The following HADHB variants were observed in gnomAD, a reference collection of about 807,000 sequenced individuals.
The protein encoded by HADHB is trifunctional enzyme subunit beta, mitochondrial.
Under a neutral mutation model 61.9 loss-of-function variants are expected in HADHB, and 50 were observed. The ratio of observed to expected loss-of-function variants is 0.81; its 90% CI spans 0.64 to 1.02. The LOEUF (loss-of-function observed/expected upper bound fraction) is 1.02. Among genes scored for constraint, HADHB ranks in the 50% least tolerant of loss-of-function variants. The pLI, the probability that HADHB is intolerant of heterozygous loss-of-function variation, is 0.00. For synonymous variants in HADHB, 191 were observed against 201.6 expected (o/e 0.95, Z 0.45); for missense variants, 504 against 586.5 (o/e 0.86, Z 1.45).
intron 3 of HADHB, among the ~76,000 whole-genome samples, chr2:26,258,094 T>C (rs1250943160): frequency 6.6e-6 from 1 of 152,146 alleles, no homozygotes; most frequent in Non-Finnish European, 1.5e-5. Context: ...CCGTGGGTTA[T>C]GGAAAACAAC....
At chr2:26,249,717 G>A (rs543286956) in intron 1 of HADHB, among the ~76,000 whole-genome samples, 1 of 151,956 alleles carries the variant, frequency 6.6e-6, no homozygotes, top group South Asian at 2.1e-4. Context: ...CCAGGCCTCA[G>A]AAGGAAAGAT....
intron 1 of HADHB, among the ~76,000 whole-genome samples, chr2:26,251,463 C>T (rs1410336302): frequency 6.6e-6 from 1 of 152,230 alleles, no homozygotes; most frequent in African/African-American, 2.4e-5. Flanking sequence ...GCTGGGATTA[C>T]AGGTGTGAGC....
At chr2:26,251,898 A>G (rs1377097450) in intron 1 of HADHB, among the ~76,000 whole-genome samples, 1 of 152,242 alleles carries the variant, frequency 6.6e-6, no homozygotes, top group Non-Finnish European at 1.5e-5. Context: ...AAAACAATAC[A>G]TGTTTACCAT....
chr2:26,257,049 A>G (rs1671641345), intron 3 of HADHB, among the ~76,000 whole-genome samples: 1 of 151,044 alleles, frequency 6.6e-6, no homozygotes, highest in Non-Finnish European at 1.5e-5. Context: ...GTTGAAAGTA[A>G]TGGGTTCATG....
At position 26,285,535 on chromosome 2, in the gene HADHB, G is replaced by A. The variant is rs1342600482; in HGVS notation, c.1353G>A (p.Gln451=). ...AANRLRKEGG[Q]YGLVAACAAG... is the part of the protein sequence containing the mutation. ...ACAGATTACGGAAAGAAGGAGGCCA[G>A]TATGGCTTAGTGGCTGCGTGTGCAG... The change falls in exon 15 of 16, where the codon CAG becomes CAA. Residue 451 remains glutamine, a synonymous_variant. Coordinates refer to ENST00000317799, the MANE Select transcript of HADHB (RefSeq NM_000183.3). 3 of 1,613,988 alleles carry A rather than the reference G, an allele frequency of 1.9e-6. No individual in the cohort carries two copies. The African/African-American group carries it at 4.0e-5, about 22-fold the overall frequency.
chr2:26,285,497 A>G lies in HADHB; in HGVS notation c.1315A>G (p.Met439Val), dbSNP rs1392529342. The G allele has an allele frequency of 6.2e-6, 10 of 1,613,778 alleles. No homozygotes were observed. Among genetic ancestry groups the G allele is most frequent in the Middle Eastern group, 1.7e-4 (1 of 6,060 alleles). ...TGGAGCCACTGGCTGCAGGTTGGTCATGGCTGCTGCCAACAGATTACGGAA... is the reference window on the plus strand; with the variant it reads ...TGGAGCCACTGGCTGCAGGTTGGTCGTGGCTGCTGCCAACAGATTACGGAA... ...PFGATGCRLVMAAANRLRKEG... is the reference protein window; with the variant it reads ...PFGATGCRLVVAAANRLRKEG... The change falls in exon 15 of 16, where the codon ATG (methionine) becomes GTG (valine). Residue 439 changes from methionine to valine, a missense_variant. By Grantham distance (21) the Met-to-Val change is conservative (BLOSUM62 1). Coordinates refer to ENST00000317799, the MANE Select transcript of HADHB (RefSeq NM_000183.3).
chr2:26,284,870 T>C lies in HADHB; in HGVS notation c.1150-13T>C, dbSNP rs761578030. 1 of 1,432,332 alleles carries C rather than the reference T, an allele frequency of 7.0e-7. No individual in the cohort carries two copies. The highest frequency in any genetic ancestry group is 2.3e-5 in the East Asian group (1 of 43,986). 88.7% of individuals were successfully genotyped at this position (1,432,332 alleles called of 1,614,324 possible). A position where few individuals can be genotyped will look rare whatever the true frequency, so the allele number is the denominator to read the frequency against. ...GAATAACGAGGTTCTTATTCGATTATTTTCTCTTCCAGGGTCAGATTTTGG... is the reference window on the plus strand; with the variant it reads ...GAATAACGAGGTTCTTATTCGATTACTTTCTCTTCCAGGGTCAGATTTTGG... On this transcript the variant is annotated splice_polypyrimidine_tract_variant and intron_variant, in intron 13 of 15. Transcript: ENST00000317799.
chr2:26,275,369 A>G (rs1672499616), intron 6 of HADHB, among the ~76,000 whole-genome samples: 1 of 152,198 alleles, frequency 6.6e-6, no homozygotes, highest in Admixed American at 6.5e-5. Context: ...AAGGTTCAGC[A>G]TATTTCCCTG....
At chr2:26,245,497 G>C (rs13016300) in intron 1 of HADHB, 26,938 of 151,616 alleles carry the variant, frequency 0.18, 2,753 homozygotes, top group Middle Eastern at 0.26. Flanking sequence ...TCCTCCATCC[G>C]GCTCCGTTAT....
chr2:26,255,421 C>T (rs959446434), intron 3 of HADHB, among the ~76,000 whole-genome samples: 1 of 151,666 alleles, frequency 6.6e-6, no homozygotes, highest in Non-Finnish European at 1.5e-5. Context: ...AATCTTTGAA[C>T]CCAGGAGGCG....
Position 26,290,037 on chromosome 2 carries a change from G to A in HADHB, c.*84G>A. ...TTCAATGCATTACTAAATGACATTTGTAGTTCCTAGCTCCTCTTAGGAAAA... is the reference window on the plus strand; with the variant it reads ...TTCAATGCATTACTAAATGACATTTATAGTTCCTAGCTCCTCTTAGGAAAA... On this transcript the variant is annotated 3_prime_UTR_variant, in exon 16 of 16. Transcript: ENST00000317799. The A allele has an allele frequency of 2.2e-6, 2 of 918,900 alleles. No individual in the cohort carries two copies. The highest frequency in any genetic ancestry group is 3.7e-6 in the Non-Finnish European group (2 of 547,802). 56.9% of individuals were successfully genotyped at this position (918,900 alleles called of 1,614,324 possible).
chr2:26,282,067 G>C lies in HADHB; in HGVS notation c.934-778G>C, dbSNP rs1672812703. ...CCTCAGCTGGTTCTCCCATTGGTTTGCTCGTTACAGAATATATAAGTAGAA... is the reference window on the plus strand; with the variant it reads ...CCTCAGCTGGTTCTCCCATTGGTTTCCTCGTTACAGAATATATAAGTAGAA... On this transcript the variant is annotated intron_variant, in intron 10 of 15. Transcript: ENST00000317799. 2.0e-5 allele frequency among the ~76,000 whole-genome samples: 3 copies of C among 151,870 alleles called. No individual in the cohort carries two copies. In the South Asian group the frequency reaches 6.3e-4, roughly 32 times the overall value.
intron 7 of HADHB, 32 bp downstream of exon 7, chr2:26,277,192 T>A (rs1236850814): frequency 9.9e-7 from 1 of 1,005,856 alleles, no homozygotes; most frequent in African/African-American, 1.6e-5. Context: ...CAGTACATGT[T>A]AATTATTCTC....
chr2:26,285,739 GTTT>G (rs766742523), intron 15 of HADHB, among the ~76,000 whole-genome samples, 168 bp downstream of exon 15: 8 of 65,096 alleles, frequency 1.2e-4, no homozygotes, highest in African/African-American at 3.3e-4. Flanking sequence ...TGTTTTTTGG[GTTT>G]TTTTTTTTTT....
intron 1 of HADHB, among the ~76,000 whole-genome samples, chr2:26,252,315 A>C (rs1671430319): frequency 6.6e-6 from 1 of 152,224 alleles, no homozygotes; most frequent in African/African-American, 2.4e-5. Context: ...TTGGGGGGCA[A>C]CTTGGAGGCT....
chr2:26,259,176 C>G (rs1217873337), intron 3 of HADHB, among the ~76,000 whole-genome samples: 1 of 152,210 alleles, frequency 6.6e-6, no homozygotes, highest in African/African-American at 2.4e-5. Context: ...TCCATTGCAG[C>G]ATGTCTCACA....
chr2:26,279,677 AT>A (rs1672704269), intron 9 of HADHB, among the ~76,000 whole-genome samples: 2 of 151,836 alleles, frequency 1.3e-5, no homozygotes, highest in Admixed American at 6.6e-5. Flanking sequence ...TTGCTGATAT[AT>A]TTTAGTTCTT....
chr2:26,278,528 T>C (rs572908123), intron 7 of HADHB, 86 bp from the exon 8 acceptor site: 1 of 1,148,022 alleles, frequency 8.7e-7, no homozygotes, highest in East Asian at 2.3e-5. Flanking sequence ...TAACTGTCAT[T>C]CAGCTTTTTA....
At chr2:26,253,649 C>A (rs570954746) in intron 1 of HADHB, among the ~76,000 whole-genome samples, 1 of 151,860 alleles carries the variant, frequency 6.6e-6, no homozygotes, top group Non-Finnish European at 1.5e-5. Flanking sequence ...GTCAGGAGTT[C>A]GACACCAGCC....
Sources: gnomAD v4.1 joint callset for allele counts (sites outside exome capture counted in the v4.1 genomes callset) on GRCh38, gnomAD v4.1.1 for gene constraint, MANE v1.5 for transcripts, NCBI Gene and HGNC (gene_info 2026-07-23, HGNC 2026-07-21) for gene names.